Variants in TMEM183A observed in about 807,000 individuals in gnomAD.
TMEM183A encodes transmembrane protein 183A.
Under a neutral mutation model 46.7 loss-of-function variants are expected in TMEM183A, and 21 were observed. That is an observed-to-expected ratio of 0.45 (90% CI 0.32 to 0.65). The LOEUF (loss-of-function observed/expected upper bound fraction) is 0.65, where lower values mean the gene tolerates loss of function less well. TMEM183A is among the 30% of genes least tolerant of loss of function. The pLI, the probability that TMEM183A is intolerant of heterozygous loss-of-function variation, is 0.04. For missense variants in TMEM183A, 331 were observed against 481.9 expected (o/e 0.69, Z 2.93); for synonymous variants, 165 against 180.2 (o/e 0.92, Z 0.68).
intron 3 of TMEM183A, among the ~76,000 whole-genome samples, 199 bp downstream of exon 3, chr1:203,009,009 G>A (rs914387758): frequency 6.6e-6 from 1 of 152,140 alleles, no homozygotes; most frequent in Non-Finnish European, 1.5e-5. Flanking sequence ...GTCTGAATTC[G>A]AGAGGGAAAG....
At chr1:203,012,185 CGGTT>C (rs1656689884) in intron 3 of TMEM183A, among the ~76,000 whole-genome samples, 10 of 114,884 alleles carry the variant, frequency 8.7e-5, no homozygotes, top group South Asian at 3.0e-4. Flanking sequence ...CACACACACA[CGGTT>C]ATTTTGAAAC....
intron 5 of TMEM183A, 141 bp from the exon 6 acceptor site, chr1:203,018,340 A>C (rs1486687008): frequency 1.0e-6 from 1 of 964,118 alleles, no homozygotes; most frequent in Non-Finnish European, 1.5e-6. Context: ...ATCTGTGCCA[A>C]AGTAAAATCT....
chr1:203,008,890 G>A (rs1210852371), intron 3 of TMEM183A, 80 bp downstream of exon 3: 1 of 1,407,244 alleles, frequency 7.1e-7, no homozygotes, highest in Non-Finnish European at 9.4e-7. Context: ...AGTAGCACAG[G>A]AGGAGATATA....
At chr1:203,009,422 A>T (rs1656333663) in intron 3 of TMEM183A, among the ~76,000 whole-genome samples, 1 of 152,220 alleles carries the variant, frequency 6.6e-6, no homozygotes. Context: ...CATCATTCAG[A>T]TTCTGGGTTT....
At chr1:203,010,155 A>C (rs1377927112) in intron 3 of TMEM183A, among the ~76,000 whole-genome samples, 2 of 152,040 alleles carry the variant, frequency 1.3e-5, no homozygotes, top group Admixed American at 6.6e-5. Flanking sequence ...AAAAAGAAAA[A>C]AATAATAGTA....
intron 6 of TMEM183A, 32 bp downstream of exon 6, chr1:203,018,593 T>A (rs1030362456): frequency 1.4e-5 from 23 of 1,598,114 alleles, no homozygotes; most frequent in Non-Finnish European, 1.7e-5. Flanking sequence ...TTTCAGATAA[T>A]ACCTTGTTCT....
chr1:203,014,547 G>A (rs542958633), intron 3 of TMEM183A, among the ~76,000 whole-genome samples: 1 of 152,166 alleles, frequency 6.6e-6, no homozygotes, highest in African/African-American at 2.4e-5. Context: ...AGGTTGTATT[G>A]AGCTGAGATT....
chr1:203,015,766 T>C (rs2102554370), intron 4 of TMEM183A, 194 bp from the exon 5 acceptor site: 3 of 637,406 alleles, frequency 4.7e-6, no homozygotes, highest in Middle Eastern at 2.9e-4. Flanking sequence ...ACTTTAAAAA[T>C]GGATGGAGAA....
chr1:203,016,238 A>G (rs1319492304), intron 5 of TMEM183A, 98 bp downstream of exon 5: 2 of 1,556,870 alleles, frequency 1.3e-6, no homozygotes, highest in South Asian at 1.1e-5. Context: ...GGAGGGGTGT[A>G]GGTCCCAGGC....
chr1:203,018,519 A>G lies in TMEM183A; in HGVS notation c.747A>G (p.Arg249=). ...LFWCRKIVGN[R]QEPMWEFNFK... ...GGTGCAGAAAGATTGTTGGGAACAG[A>G]CAGGAACCAATGTGGGAATTCAACT... Residue 249 remains arginine, a synonymous_variant, in exon 6 of 8, where the codon AGA becomes AGG. Transcript: ENST00000367242. The G allele has an allele frequency of 6.2e-7, 1 of 1,613,228 alleles. No individual in the cohort carries two copies. The highest frequency in any genetic ancestry group is 8.5e-7 in the Non-Finnish European group (1 of 1,179,996).
intron 5 of TMEM183A, 162 bp downstream of exon 5, chr1:203,016,302 C>G (rs1657166752): frequency 1.0e-6 from 1 of 975,214 alleles, no homozygotes; most frequent in Non-Finnish European, 1.5e-6. Flanking sequence ...TCTCCAAGAC[C>G]TTTCTGCTGT....
At chr1:203,015,279 TC>T in intron 4 of TMEM183A, 1 of 578,146 alleles carries the variant, frequency 1.7e-6, no homozygotes. Context: ...GTATCCACTT[TC>T]AGCAAAACGT....
intron 2 of TMEM183A, among the ~76,000 whole-genome samples, chr1:203,008,153 A>T (rs1036305980): frequency 6.6e-6 from 1 of 152,120 alleles, no homozygotes; most frequent in Non-Finnish European, 1.5e-5. Flanking sequence ...TTTACTCTGC[A>T]GTTTGCTTCC....
At chr1:203,018,903 T>G (rs1657416120) in intron 6 of TMEM183A, among the ~76,000 whole-genome samples, 1 of 152,224 alleles carries the variant, frequency 6.6e-6, no homozygotes, top group African/African-American at 2.4e-5. Context: ...TTAATCCCAT[T>G]CATGAGGGAG....
chr1:203,020,198 A>G (rs1164332889), intron 6 of TMEM183A, among the ~76,000 whole-genome samples: 1 of 152,088 alleles, frequency 6.6e-6, no homozygotes, highest in East Asian at 1.9e-4. Flanking sequence ...TCTGGGGAAG[A>G]ATTTTAGTTC....
chr1:203,011,531 C>T (rs753168493), intron 3 of TMEM183A, among the ~76,000 whole-genome samples: 1 of 152,068 alleles, frequency 6.6e-6, no homozygotes, highest in Non-Finnish European at 1.5e-5. Flanking sequence ...CTCAGCCTCC[C>T]GAGTAGCTGG....
rs1234543847 is a variant in TMEM183A at position 203,007,846 on chromosome 1, A to G, written c.182A>G (p.Asn61Ser). Residue 61 changes from asparagine (N) to serine (S), a missense_variant, in exon 2 of 8, where the codon AAC (asparagine) becomes AGC (serine). Asn to Ser is a conservative substitution (Grantham distance 46). Around this residue, in one of 2 missense-constraint regions of TMEM183A, gnomAD observed 98 missense variants for 96.1 expected, o/e 1.02. Coordinates refer to ENST00000367242, the MANE Select transcript of TMEM183A (RefSeq NM_138391.6). ...RSGRVKKAVANAVQQEVKSLC... is the reference protein window; with the variant it reads ...RSGRVKKAVASAVQQEVKSLC... ...GGACGAGTCAAGAAAGCCGTAGCCA[A>G]CGCTGTTCAGCAGGAAGGTAAGCTT... is the stretch of plus-strand genomic sequence containing the variant. The G allele has an allele frequency of 1.9e-6, 3 of 1,613,994 alleles. No individual in the cohort carries two copies. Among genetic ancestry groups the G allele is most frequent in the Non-Finnish European group, 2.5e-6 (3 of 1,179,948 alleles).
In TMEM183A at chr1:203,013,044, G is replaced by A. The variant is rs757355261; in HGVS notation, c.368-1845G>A. Among the ~76,000 whole-genome samples, 7 of 152,200 alleles carry A rather than the reference G, an allele frequency of 4.6e-5. No individual in the cohort carries two copies. Among genetic ancestry groups the A allele is most frequent in the African/African-American group, 1.4e-4 (6 of 41,434 alleles). ...CACAATAGAGGAAATTTTAATAGTC[G>A]TTTGCCTTCTCTTTCAAAGAGAGAA... On this transcript the variant is annotated intron_variant, in intron 3 of 7. Coordinates refer to ENST00000367242, the MANE Select transcript of TMEM183A (RefSeq NM_138391.6). The surrounding 1 kb of genome is among the most constrained non-coding windows in gnomAD (Gnocchi z 4.0).
chr1:203,021,036 T>TC, intron 7 of TMEM183A, 88 bp downstream of exon 7: 1 of 1,416,678 alleles, frequency 7.1e-7, no homozygotes, highest in East Asian at 2.4e-5. Flanking sequence ...TCTTTTTTTT[T>TC]TTTTTTTTTT....
Sources: gnomAD v4.1 joint callset for allele counts (sites outside exome capture counted in the v4.1 genomes callset) on GRCh38, gnomAD v4.1.1 for gene constraint, gnomAD v4.1.1 regional missense constraint, Gnocchi (gnomAD v3.1) non-coding constraint, MANE v1.5 for transcripts, NCBI Gene and HGNC (gene_info 2026-07-23, HGNC 2026-07-21) for gene names.